Variants in TBCEL observed in about 807,000 individuals in gnomAD.
TBCEL encodes tubulin folding cofactor E like.
Under a neutral mutation model 44.2 loss-of-function variants are expected in TBCEL, and 15 were observed. The ratio of observed to expected loss-of-function variants is 0.34; its 90% confidence interval spans 0.23 to 0.52. TBCEL has a LOEUF of 0.52. Ranked by LOEUF, TBCEL falls within the 20% of genes least tolerant of loss-of-function variation. The probability of loss-of-function intolerance (pLI) is 0.95; values close to 1 mark genes in which losing one functional copy is unlikely to be tolerated. For synonymous variants in TBCEL, 171 were observed against 185.4 expected (o/e 0.92, Z 0.63); for missense variants, 319 against 506.3 (o/e 0.63, Z 3.55).
chr11:121,057,186 T>C (rs1945637623), intron 6 of TBCEL, among the ~76,000 whole-genome samples: 1 of 151,842 alleles, frequency 6.6e-6, no homozygotes, highest in African/African-American at 2.4e-5. Flanking sequence ...AGTTGTGACT[T>C]GGGGTAGTTA....
intron 6 of TBCEL, among the ~76,000 whole-genome samples, chr11:121,057,947 A>C (rs1265979669): frequency 6.6e-6 from 1 of 151,840 alleles, no homozygotes; most frequent in Non-Finnish European, 1.5e-5. Flanking sequence ...ACTCTGATCG[A>C]TAGTTTTATT....
intron 8 of TBCEL, among the ~76,000 whole-genome samples, chr11:121,086,091 A>G (rs189561226): frequency 2.6e-5 from 4 of 152,262 alleles, no homozygotes; most frequent in Non-Finnish European, 4.4e-5. Context: ...GATTTTCTCT[A>G]TGGGAAACAT....
intron 2 of TBCEL, among the ~76,000 whole-genome samples, chr11:121,038,372 T>TA (rs1383659269): frequency 2.0e-5 from 3 of 152,200 alleles, no homozygotes; most frequent in Non-Finnish European, 2.9e-5. Context: ...AACATATACA[T>TA]ATGCTTTTCC....
intron 1 of TBCEL, among the ~76,000 whole-genome samples, chr11:121,032,638 C>T (rs1201574137): frequency 1.3e-5 from 2 of 152,110 alleles, no homozygotes; most frequent in Non-Finnish European, 1.5e-5. Flanking sequence ...GCTTTAGAAA[C>T]ACTAGATGGC....
intron 8 of TBCEL, among the ~76,000 whole-genome samples, chr11:121,071,921 A>G (rs112529192): frequency 6.4e-4 from 97 of 152,276 alleles, no homozygotes; most frequent in South Asian, 1.9e-3. Context: ...TATACTGGAC[A>G]TGAGTCTCCT....
chr11:121,080,422 T>A (rs939103360), intron 8 of TBCEL, among the ~76,000 whole-genome samples: 1 of 152,210 alleles, frequency 6.6e-6, no homozygotes, highest in Admixed American at 6.5e-5. Flanking sequence ...GATCCCATTG[T>A]TGCGTAGCCA....
At chr11:121,079,959 C>T (rs563996376) in intron 8 of TBCEL, among the ~76,000 whole-genome samples, 33 of 152,144 alleles carry the variant, frequency 2.2e-4, no homozygotes, top group African/African-American at 7.9e-4. Flanking sequence ...GGATTACAGG[C>T]GCACACCACC....
intron 1 of TBCEL, chr11:121,035,431 T>G (rs1384318148): frequency 1.3e-5 from 2 of 150,518 alleles, no homozygotes; most frequent in Non-Finnish European, 3.0e-5. Flanking sequence ...TAGCACTAAA[T>G]GTAGGAGGAG....
At chr11:121,051,809 G>T (rs1398548578) in intron 4 of TBCEL, among the ~76,000 whole-genome samples, 1 of 151,798 alleles carries the variant, frequency 6.6e-6, no homozygotes, top group Non-Finnish European at 1.5e-5. Context: ...AAGTGAAATA[G>T]TGAATGCAGG....
intron 8 of TBCEL, among the ~76,000 whole-genome samples, chr11:121,074,341 G>A (rs772199771): frequency 1.3e-5 from 2 of 151,832 alleles, no homozygotes; most frequent in Non-Finnish European, 2.9e-5. Context: ...AGTTTCCATC[G>A]CTATTTTGTG....
At chr11:121,071,345 A>G (rs761071289) in intron 8 of TBCEL, among the ~76,000 whole-genome samples, 9 of 152,204 alleles carry the variant, frequency 5.9e-5, no homozygotes, top group Non-Finnish European at 1.3e-4. Context: ...TGGGAACTCA[A>G]TGATTTCTTT....
At chr11:121,070,455 A>G (rs949467267) in intron 8 of TBCEL, among the ~76,000 whole-genome samples, 3 of 152,208 alleles carry the variant, frequency 2.0e-5, no homozygotes, top group African/African-American at 4.8e-5. Flanking sequence ...AACCAATCCA[A>G]ATGTCCATCA....
chr11:121,055,879 C>A (rs906974148), intron 6 of TBCEL, among the ~76,000 whole-genome samples: 1 of 146,314 alleles, frequency 6.8e-6, no homozygotes, highest in African/African-American at 2.7e-5. Flanking sequence ...CACATATATA[C>A]AACTTCCCCC....
At chr11:121,047,699 A>C in intron 4 of TBCEL, 32 bp downstream of exon 4, 1 of 1,608,790 alleles carries the variant, frequency 6.2e-7, no homozygotes, top group Non-Finnish European at 8.5e-7. Context: ...ATTTTAGTGA[A>C]AAGCAGCAAT....
intron 6 of TBCEL, 82 bp from the exon 7 acceptor site, chr11:121,058,263 A>C: frequency 6.8e-7 from 1 of 1,467,680 alleles, no homozygotes; most frequent in South Asian, 1.2e-5. Flanking sequence ...GAAGTTACTA[A>C]TTGAGCTAAT....
At chr11:121,028,355 T>C in intron 1 of TBCEL, among the ~76,000 whole-genome samples, 1 of 152,188 alleles carries the variant, frequency 6.6e-6, no homozygotes, top group East Asian at 1.9e-4. Flanking sequence ...AAGTTAAAAG[T>C]CACTGACCTA....
chr11:121,031,662 C>CTTTTTTTTTTTTT (rs1159376351), intron 1 of TBCEL, among the ~76,000 whole-genome samples: 6 of 101,862 alleles, frequency 5.9e-5, no homozygotes, highest in Admixed American at 1.1e-4. Flanking sequence ...TTTTTTCTTT[C>CTTTTTTTTTTTTT]TTTTTTTTTT....
chr11:121,060,610 C>T (rs1000295300), intron 8 of TBCEL, among the ~76,000 whole-genome samples: 8 of 151,798 alleles, frequency 5.3e-5, no homozygotes, highest in South Asian at 4.2e-4. Flanking sequence ...TAGTAAATAT[C>T]TTTAAGTATA....
At position 121,086,765 on chromosome 11, in the gene TBCEL, T is replaced by C; in HGVS notation, c.957-13T>C. On this transcript the variant is annotated splice_polypyrimidine_tract_variant and intron_variant, in intron 8 of 8. Transcript: ENST00000683345. ...GTAGTTTAAGCTGACAGTGTTGTTT[T>C]TAATCCTTCTAGGTATCATGAACTG... is the stretch of plus-strand genomic sequence containing the variant. 6.3e-7 allele frequency: 1 copy of C among 1,597,622 alleles called. No individual in the cohort carries two copies. The highest frequency in any genetic ancestry group is 8.5e-7 in the Non-Finnish European group (1 of 1,171,630).
Sources: allele counts gnomAD v4.1 joint callset (sites outside exome capture counted in the v4.1 genomes callset), GRCh38; gene constraint gnomAD v4.1.1; transcripts MANE v1.5; gene names NCBI Gene and HGNC (gene_info 2026-07-23, HGNC 2026-07-21).